Variants in SHFL observed in about 807,000 individuals in gnomAD.
SHFL encodes shiftless antiviral inhibitor of ribosomal frameshifting protein.
Under a neutral mutation model 34.7 loss-of-function variants are expected in SHFL, and 12 were observed. That is an observed-to-expected ratio of 0.35 (90% confidence interval 0.22 to 0.56). The LOEUF (loss-of-function observed/expected upper bound fraction) is 0.56. Among genes scored for constraint, SHFL ranks in the 20% least tolerant of loss-of-function variants. The probability of loss-of-function intolerance (pLI) is 0.88; values close to 1 mark genes in which losing one functional copy is unlikely to be tolerated. For missense variants in SHFL, 278 were observed against 411.1 expected (o/e 0.68, Z 2.80); for synonymous variants, 148 against 156.0 (o/e 0.95, Z 0.38).
At chr19:10,088,105 A>C (rs2088317780) in intron 3 of SHFL, 1 of 151,380 alleles carries the variant, frequency 6.6e-6, no homozygotes, top group Admixed American at 6.6e-5. Context: ...ACTAAAAAAT[A>C]CAAAATTAGC....
At chr19:10,088,744 G>A (rs1221254868) in intron 3 of SHFL, among the ~76,000 whole-genome samples, 37 of 151,970 alleles carry the variant, frequency 2.4e-4, no homozygotes, top group Non-Finnish European at 2.9e-5. Flanking sequence ...TCAGGAGTTC[G>A]AGATTAGCCT....
In SHFL at chr19:10,087,158, G is replaced by A. The variant is rs567174163; in HGVS notation, c.146-93G>A. On this transcript the variant is annotated intron_variant, in intron 2 of 7. Coordinates refer to ENST00000253110, the MANE Select transcript of SHFL (RefSeq NM_018381.4). ...GAGATCACCTCCCCCGGAGGTCCCA[G>A]CCTTGGGGAGGCTCTGCGTCGCGGC... The A allele has an allele frequency of 6.5e-5, 104 of 1,596,752 alleles. No individual in the cohort carries two copies. The East Asian group carries it at 2.3e-3, about 35-fold the overall frequency.
chr19:10,087,586 C>G lies in SHFL; in HGVS notation c.195+286C>G. The stretch of plus-strand genomic sequence containing the variant: ...AGGATTATTGCCATCATAGCGGGGG[C>G]GCAGAGGTCAGAGAAGGCTTACTGG... On this transcript the variant is annotated intron_variant, in intron 3 of 7. Transcript: ENST00000253110. 11 of 493,518 alleles carry G rather than the reference C, an allele frequency of 2.2e-5. No individual in the cohort carries two copies. The South Asian group carries it at 2.5e-4, about 11-fold the overall frequency. 30.6% of individuals were successfully genotyped at this position (493,518 alleles called of 1,614,324 possible). A position where few individuals can be genotyped will look rare whatever the true frequency, so the allele number is the denominator to read the frequency against.
chr19:10,089,509 C>T (rs1051929199), intron 3 of SHFL, 148 bp from the exon 4 acceptor site: 20 of 1,355,320 alleles, frequency 1.5e-5, no homozygotes, highest in Middle Eastern at 1.8e-4. Context: ...AGGCCACACA[C>T]CTGGCTCTCA....
intron 3 of SHFL, chr19:10,087,523 G>C: frequency 3.4e-6 from 2 of 590,228 alleles, no homozygotes; most frequent in Non-Finnish European, 6.0e-6. Context: ...TGTATTCAAT[G>C]GGGGAGAGAG....
intron 3 of SHFL, 27 bp from the exon 4 acceptor site, chr19:10,089,630 G>C (rs1289195820): frequency 6.3e-7 from 1 of 1,578,928 alleles, no homozygotes; most frequent in South Asian, 1.2e-5. Flanking sequence ...CCCATCCCCA[G>C]TTTCTGCCCC....
chr19:10,091,654 C>T lies in SHFL; in HGVS notation c.643+24C>T. On this transcript the variant is annotated intron_variant, in intron 7 of 7. Coordinates refer to ENST00000253110, the MANE Select transcript of SHFL (RefSeq NM_018381.4). This position sits in a 1 kb window ranked among gnomAD's most constrained non-coding sequence, Gnocchi z 8.2. Reference sequence around the variant, plus strand: ...AGGTGAGGCTCTTCTCCCCCAACAGCCTGGACAGTCTTTGTCCCCTTCTGT... The same window carrying T: ...AGGTGAGGCTCTTCTCCCCCAACAGTCTGGACAGTCTTTGTCCCCTTCTGT... 1 of 1,533,632 alleles carries T rather than the reference C, an allele frequency of 6.5e-7. No individual in the cohort carries two copies. Among genetic ancestry groups the T allele is most frequent in the Non-Finnish European group, 8.8e-7 (1 of 1,135,940 alleles).
intron 5 of SHFL, 93 bp downstream of exon 5, chr19:10,090,140 C>T (rs2088356301): frequency 7.2e-7 from 1 of 1,386,556 alleles, no homozygotes. Flanking sequence ...CTAAGGATTT[C>T]AATCACTGAG....
In SHFL at chr19:10,090,587, A is replaced by G. The variant is rs565051540; in HGVS notation, c.384+540A>G. Among the ~76,000 whole-genome samples, 246 of 151,224 alleles carry G rather than the reference A, an allele frequency of 1.6e-3. 4 individuals carry two copies. Among genetic ancestry groups the G allele is most frequent in the Admixed American group, 0.012 (187 of 15,206 alleles). ...GCAGCTGGGACTACAGGCCTGCGCC[A>G]CCACACTTGGCTAATTTTTGTATTT... On this transcript the variant is annotated intron_variant, in intron 5 of 7. Transcript: ENST00000253110.
Position 10,091,978 on chromosome 19 carries a change from C to A in SHFL, c.644-92C>A. On this transcript the variant is annotated intron_variant, in intron 7 of 7. Coordinates refer to ENST00000253110, the MANE Select transcript of SHFL (RefSeq NM_018381.4). This position sits in a 1 kb window ranked among gnomAD's most constrained non-coding sequence, Gnocchi z 8.2. ...GTCCCCGTATCTGGTGGTCTCAGCT[C>A]CTCCCTAGAGCCCCGCGTGGCCTAA... 1 of 1,505,376 alleles carries A rather than the reference C, an allele frequency of 6.6e-7. No individual in the cohort carries two copies. The highest frequency in any genetic ancestry group is 9.0e-7 in the Non-Finnish European group (1 of 1,111,428). 93.3% of individuals were successfully genotyped at this position (1,505,376 alleles called of 1,614,324 possible).
chr19:10,089,048 T>G, intron 3 of SHFL: 2 of 428,942 alleles, frequency 4.7e-6, no homozygotes, highest in African/African-American at 2.1e-5. Context: ...TCCAGGAATT[T>G]ATTTATTTCA....
At chr19:10,089,793 G>A in intron 4 of SHFL, 98 bp downstream of exon 4, 2 of 1,555,420 alleles carry the variant, frequency 1.3e-6, no homozygotes, top group Non-Finnish European at 1.7e-6. Context: ...GATATTCACT[G>A]GGGCAGGAAG....
At chr19:10,087,801 G>A in intron 3 of SHFL, 1 of 161,248 alleles carries the variant, frequency 6.2e-6, no homozygotes, top group Non-Finnish European at 1.4e-5. Flanking sequence ...AGAGAGGCAG[G>A]GGAATGGAAC....
intron 5 of SHFL, 70 bp downstream of exon 5, chr19:10,090,117 C>G: frequency 6.7e-7 from 1 of 1,490,546 alleles, no homozygotes; most frequent in Non-Finnish European, 9.1e-7. Context: ...TCCTCAGTGA[C>G]TGTACCTCTG....
intron 3 of SHFL, chr19:10,089,163 T>A (rs760377574): frequency 5.8e-5 from 43 of 745,372 alleles, no homozygotes; most frequent in Non-Finnish European, 8.5e-5. Flanking sequence ...CAGCTGCGAT[T>A]TGAACCCTGG....
chr19:10,090,795 C>G (rs1482484546), intron 5 of SHFL, among the ~76,000 whole-genome samples: 34 of 151,724 alleles, frequency 2.2e-4, no homozygotes, highest in Admixed American at 2.2e-3. Context: ...GTGGTCCCAA[C>G]TACTCAGGAG....
intron 3 of SHFL, chr19:10,089,223 A>G (rs1356206006): frequency 1.5e-6 from 2 of 1,338,474 alleles, no homozygotes; most frequent in South Asian, 1.2e-5. Flanking sequence ...GTGGGAACCC[A>G]GGGGGCAGGG....
At chr19:10,089,534 C>T (rs2088345140) in intron 3 of SHFL, 123 bp from the exon 4 acceptor site, 4 of 1,390,668 alleles carry the variant, frequency 2.9e-6, no homozygotes, top group Non-Finnish European at 4.0e-6. Flanking sequence ...GTGAGTGGTG[C>T]TCTGTGAGCT....
In SHFL at chr19:10,091,867, CCT is replaced by C. The variant is rs755506672; in HGVS notation, c.644-202_644-201del. 3.8e-4 allele frequency: 330 copies of C among 863,216 alleles called. No homozygotes were observed. Among genetic ancestry groups the C allele is most frequent in the Non-Finnish European group, 4.2e-4 (242 of 580,098 alleles). 53.5% of individuals were successfully genotyped at this position (863,216 alleles called of 1,614,324 possible). The stretch of plus-strand genomic sequence containing the variant: ...CCCCATGGTCTCTGGGTTTGGGGCC[CCT>C]GTTTTGTCCCCTGTAATCTCAGGTG... On this transcript the variant is annotated intron_variant, in intron 7 of 7. Coordinates refer to ENST00000253110, the MANE Select transcript of SHFL (RefSeq NM_018381.4). The surrounding 1 kb of genome is among the most constrained non-coding windows in gnomAD (Gnocchi z 8.2).
Sources: gnomAD v4.1 joint callset for allele counts (sites outside exome capture counted in the v4.1 genomes callset) on GRCh38, gnomAD v4.1.1 for gene constraint, Gnocchi (gnomAD v3.1) non-coding constraint, MANE v1.5 for transcripts, NCBI Gene and HGNC (gene_info 2026-07-23, HGNC 2026-07-21) for gene names.